Variants in LRBA observed in about 807,000 individuals in gnomAD.
LRBA encodes LPS responsive beige-like anchor protein.
In LRBA, 176 loss-of-function variants were observed where a neutral mutation model predicts 330.0. The observed-to-expected ratio is 0.53, with a 90% CI of 0.47 to 0.60. LRBA has a LOEUF of 0.60. Ranked by LOEUF, LRBA falls within the 20% of genes least tolerant of loss-of-function variation. The probability of loss-of-function intolerance (pLI) is 0.00; values close to 1 mark genes in which losing one functional copy is unlikely to be tolerated. For missense variants in LRBA, 3,259 were observed against 3,444.8 expected (o/e 0.95, Z 1.35); for synonymous variants, 1,230 against 1,193.0 (o/e 1.03, Z -0.64).
intron 44 of LRBA, among the ~76,000 whole-genome samples, chr4:150,446,866 T>G (rs1247522551): frequency 6.6e-6 from 1 of 152,208 alleles, no homozygotes; most frequent in Non-Finnish European, 1.5e-5. Flanking sequence ...CATAGAGAAC[T>G]TACATTTTAC....
At chr4:150,953,986 AGG>A (rs1456341273) in intron 2 of LRBA, among the ~76,000 whole-genome samples, 89 of 135,330 alleles carry the variant, frequency 6.6e-4, no homozygotes, top group Non-Finnish European at 7.0e-4. Context: ...CCCGTCTGGG[AGG>A]TAAGGAGCGT....
chr4:150,777,544 A>G (rs1035785901), intron 34 of LRBA, among the ~76,000 whole-genome samples: 1 of 152,192 alleles, frequency 6.6e-6, no homozygotes, highest in African/African-American at 2.4e-5. Flanking sequence ...AATTGGATGG[A>G]TGTACCTCCA....
At chr4:150,607,043 A>C (rs1410734560) in intron 37 of LRBA, among the ~76,000 whole-genome samples, 2 of 152,232 alleles carry the variant, frequency 1.3e-5, no homozygotes, top group Non-Finnish European at 2.9e-5. Context: ...GCATGGATAA[A>C]GGCATGGAAA....
chr4:150,727,138 T>G (rs986916398), intron 36 of LRBA, among the ~76,000 whole-genome samples: 2 of 139,380 alleles, frequency 1.4e-5, no homozygotes, highest in African/African-American at 5.2e-5. Context: ...AGTGGCATGA[T>G]TCTCAGCTCA....
intron 2 of LRBA, among the ~76,000 whole-genome samples, chr4:150,985,642 G>A (rs1273214703): frequency 6.6e-6 from 1 of 151,912 alleles, no homozygotes; most frequent in Non-Finnish European, 1.5e-5. Flanking sequence ...AGGACTACAG[G>A]CACCCACCAC....
chr4:150,286,123 C>G (rs748133831), intron 53 of LRBA, 89 bp from the exon 54 acceptor site: 17 of 893,220 alleles, frequency 1.9e-5, no homozygotes, highest in Admixed American at 2.9e-5. Context: ...TCCATCATGC[C>G]TATTTAATTT....
chr4:150,891,735 C>T (rs925464375), intron 17 of LRBA, among the ~76,000 whole-genome samples: 1 of 152,156 alleles, frequency 6.6e-6, no homozygotes, highest in African/African-American at 2.4e-5. Flanking sequence ...CCCACGCACA[C>T]ACTATTGGTT....
intron 22 of LRBA, among the ~76,000 whole-genome samples, chr4:150,863,208 G>A (rs1752193008): frequency 6.6e-6 from 1 of 152,118 alleles, no homozygotes; most frequent in African/African-American, 2.4e-5. Flanking sequence ...TGAGGTGAGA[G>A]GATCACTTGA....
intron 28 of LRBA, chr4:150,841,149 TATA>T (rs1252629159): frequency 4.2e-5 from 9 of 215,432 alleles, no homozygotes; most frequent in African/African-American, 7.0e-5. Flanking sequence ...TCTGCCATGT[TATA>T]ATAACTGCTG....
chr4:150,873,555 A>C (rs923779186), intron 17 of LRBA, among the ~76,000 whole-genome samples: 3 of 151,866 alleles, frequency 2.0e-5, no homozygotes, highest in African/African-American at 4.8e-5. Context: ...ATGCCACTGC[A>C]CTCCAGCCTG....
At chr4:150,868,748 G>A (rs1753056343) in intron 20 of LRBA, among the ~76,000 whole-genome samples, 1 of 152,152 alleles carries the variant, frequency 6.6e-6, no homozygotes, top group South Asian at 2.1e-4. Context: ...GAGCGGCCTG[G>A]CCAACATGGC....
chr4:150,894,339 T>C (rs998610733), intron 16 of LRBA, among the ~76,000 whole-genome samples: 1 of 152,180 alleles, frequency 6.6e-6, no homozygotes, highest in African/African-American at 2.4e-5. Context: ...GTATTATCTA[T>C]TGTCCCTATA....
At chr4:150,376,878 C>T (rs1370771245) in intron 47 of LRBA, among the ~76,000 whole-genome samples, 1 of 152,022 alleles carries the variant, frequency 6.6e-6, no homozygotes, top group African/African-American at 2.4e-5. Flanking sequence ...GAGACCTTGG[C>T]TCCTCTTTTA....
chr4:150,509,088 G>C (rs1761513192), intron 40 of LRBA, among the ~76,000 whole-genome samples: 1 of 152,084 alleles, frequency 6.6e-6, no homozygotes. Context: ...TGCTAAAAGA[G>C]ATTTTAAACA....
Position 150,850,753 on chromosome 4 carries a change from T to C in LRBA, c.3975A>G (p.Ser1325=). The C allele has an allele frequency of 6.2e-7, 1 of 1,613,010 alleles. No homozygotes were observed. The part of the protein sequence containing the change: ...HQRLLTDLLF[S]IETDIQMWRS... The stretch of plus-strand genomic sequence containing the variant: ...TCCACATCTGTATATCTGTTTCTAT[T>C]GAAAATAATAGATCAGTGAGCAAAC... Residue 1325 remains serine (S), a synonymous_variant, in exon 24 of 57, where the codon TCA becomes TCG. Coordinates refer to ENST00000651943, the MANE Select transcript of LRBA (RefSeq NM_001364905.1).
intron 46 of LRBA, among the ~76,000 whole-genome samples, chr4:150,424,141 T>G (rs1421528659): frequency 1.3e-5 from 2 of 152,204 alleles, no homozygotes; most frequent in Admixed American, 1.3e-4. Context: ...TCTAAGAAAC[T>G]AATAGTGAGG....
At chr4:150,584,477 C>CCG (rs1771847219) in intron 40 of LRBA, 1 of 151,046 alleles carries the variant, frequency 6.6e-6, no homozygotes, top group African/African-American at 2.8e-5. Context: ...CCCCATCCCC[C>CCG]CCCCCATTTC....
At chr4:150,329,951 G>A (rs1053081818) in intron 48 of LRBA, among the ~76,000 whole-genome samples, 3 of 152,052 alleles carry the variant, frequency 2.0e-5, no homozygotes, top group Admixed American at 6.6e-5. Flanking sequence ...TATTATAACA[G>A]TCTCTTTGCT....
chr4:150,902,833 T>C (rs1730897547), intron 13 of LRBA, among the ~76,000 whole-genome samples: 1 of 152,142 alleles, frequency 6.6e-6, no homozygotes, highest in African/African-American at 2.4e-5. Context: ...GTGGAAGTGG[T>C]GGGATTCTAT....
Sources: allele counts gnomAD v4.1 joint callset (sites outside exome capture counted in the v4.1 genomes callset), GRCh38; gene constraint gnomAD v4.1.1; transcripts MANE v1.5; gene names NCBI Gene and HGNC (gene_info 2026-07-23, HGNC 2026-07-21).